The following SLCO1B3 variants were observed in gnomAD, a reference collection of about 807,000 sequenced individuals.
The protein encoded by SLCO1B3 is solute carrier organic anion transporter family member 1B3, also known as liver-specific organic anion transporter 2.
Under a neutral mutation model 71.8 loss-of-function variants are expected in SLCO1B3, and 72 were observed. That is an observed-to-expected ratio of 1.00 (90% CI 0.83 to 1.22). The LOEUF (loss-of-function observed/expected upper bound fraction) is 1.22. Among genes scored for constraint, SLCO1B3 ranks in the 50% most tolerant of loss-of-function variants. SLCO1B3 has a pLI of 0.00. For synonymous variants in SLCO1B3, 298 were observed against 278.4 expected, an observed-to-expected ratio of 1.07 and a Z score of -0.70; for missense variants, 911 against 819.7, an observed-to-expected ratio of 1.11 and a Z score of -1.36.
At chr12:20,899,666 A>G (rs1278589331) in intron 14 of SLCO1B3, among the ~76,000 whole-genome samples, 1 of 152,208 alleles carries the variant, frequency 6.6e-6, no homozygotes, top group African/African-American at 2.4e-5. Context: ...CTCCAGATTC[A>G]GAGACGATAC....
Position 20,815,821 on chromosome 12 carries a change from A to C in SLCO1B3, c.83A>C (p.Lys28Thr), listed in dbSNP as rs563634489. The C allele has an allele frequency of 1.9e-6, 3 of 1,572,056 alleles. No individual in the cohort carries two copies. In the South Asian group the frequency reaches 3.6e-5, roughly 19 times the overall value. The change falls in exon 3 of 16, where the codon AAG becomes ACG. Residue 28 changes from lysine to threonine, a missense_variant and splice_region_variant. Lys to Thr is a moderately conservative substitution (Grantham distance 78, BLOSUM62 -1). Coordinates refer to ENST00000381545, the MANE Select transcript of SLCO1B3 (RefSeq NM_019844.4). ...AAAACAAGACGCTGCAATGGATTCAAGGTAGAATGGGTTTTATATTTTCAA... is the reference window on the plus strand; with the variant it reads ...AAAACAAGACGCTGCAATGGATTCACGGTAGAATGGGTTTTATATTTTCAA... ...KKKTRRCNGF[K>T]MFLAALSFSY...
intron 13 of SLCO1B3, among the ~76,000 whole-genome samples, chr12:20,892,842 G>C (rs554567793): frequency 2.0e-4 from 31 of 152,298 alleles, no homozygotes; most frequent in Non-Finnish European, 4.1e-4. Context: ...TGAATTTAAA[G>C]TGAGCACAGT....
chr12:20,898,128 C>T (rs1294157327), intron 13 of SLCO1B3, among the ~76,000 whole-genome samples: 1 of 152,080 alleles, frequency 6.6e-6, no homozygotes. Context: ...AAATCATTTT[C>T]TTCATAAGCA....
chr12:20,884,016 A>G (rs74067361), intron 13 of SLCO1B3, among the ~76,000 whole-genome samples: 3,107 of 152,316 alleles, frequency 0.02, 108 homozygotes, highest in African/African-American at 0.07. Context: ...TCAATTTGTA[A>G]TGAAATTCTA....
intron 15 of SLCO1B3, among the ~76,000 whole-genome samples, chr12:20,906,436 C>T (rs1244523106): frequency 1.3e-5 from 2 of 152,138 alleles, no homozygotes; most frequent in African/African-American, 4.8e-5. Context: ...TGACATTATG[C>T]ATTTGCCAAA....
At chr12:20,832,807 A>G (rs1288478388) in intron 3 of SLCO1B3, among the ~76,000 whole-genome samples, 8 of 152,136 alleles carry the variant, frequency 5.3e-5, no homozygotes, top group Admixed American at 5.2e-4. Context: ...ACCCCATATA[A>G]AATAGCATTC....
chr12:20,864,786 T>C (rs1211288655), intron 8 of SLCO1B3, among the ~76,000 whole-genome samples: 1 of 152,166 alleles, frequency 6.6e-6, no homozygotes, highest in Non-Finnish European at 1.5e-5. Context: ...AAGCATGAAG[T>C]GAACTTATGA....
rs76881074 is a variant in SLCO1B3 at position 20,849,043 on chromosome 12, A to G, written c.85-5985A>G. ...ACCAATAGAAGGTAAACATAATAGT[A>G]GGGGAAACTGTGTGTGGATAGAGGG... On this transcript the variant is annotated intron_variant, in intron 3 of 15. Coordinates refer to ENST00000381545, the MANE Select transcript of SLCO1B3 (RefSeq NM_019844.4). Among the ~76,000 whole-genome samples, 1,065 of 152,224 alleles carry G rather than the reference A, an allele frequency of 7.0e-3. 9 individuals are homozygous for G. The highest frequency in any genetic ancestry group is 0.024 in the African/African-American group (1,002 of 41,568).
intron 14 of SLCO1B3, among the ~76,000 whole-genome samples, chr12:20,899,904 A>G (rs1866095171): frequency 6.6e-6 from 1 of 152,218 alleles, no homozygotes; most frequent in African/African-American, 2.4e-5. Flanking sequence ...CACACTTGGT[A>G]GCAAACTTCC....
At chr12:20,832,952 T>TTAC in intron 3 of SLCO1B3, among the ~76,000 whole-genome samples, 1 of 151,836 alleles carries the variant, frequency 6.6e-6, no homozygotes, top group South Asian at 2.1e-4. Flanking sequence ...ACAAAAAAAA[T>TTAC]TATCTTAGAG....
At chr12:20,817,960 G>A (rs567258441) in intron 3 of SLCO1B3, among the ~76,000 whole-genome samples, 3 of 152,266 alleles carry the variant, frequency 2.0e-5, no homozygotes, top group South Asian at 2.1e-4. Flanking sequence ...ATGGCTTGGA[G>A]AAACGGTGTA....
At chr12:20,903,684 C>G (rs913625724) in intron 15 of SLCO1B3, among the ~76,000 whole-genome samples, 1 of 152,134 alleles carries the variant, frequency 6.6e-6, no homozygotes, top group Non-Finnish European at 1.5e-5. Flanking sequence ...GAAATCCACC[C>G]CCAAGATCCA....
chr12:20,906,114 C>A (rs1198162305), intron 15 of SLCO1B3, among the ~76,000 whole-genome samples: 1 of 152,122 alleles, frequency 6.6e-6, no homozygotes, highest in African/African-American at 2.4e-5. Flanking sequence ...GGCCCCTTCT[C>A]CAATATAACA....
chr12:20,870,430 T>C (rs960350214), intron 8 of SLCO1B3, among the ~76,000 whole-genome samples: 1 of 152,196 alleles, frequency 6.6e-6, no homozygotes, highest in African/African-American at 2.4e-5. Flanking sequence ...TGAAATTCTT[T>C]CTCTAAGTTT....
intron 8 of SLCO1B3, 86 bp downstream of exon 8, chr12:20,862,940 A>G (rs758291220): frequency 5.0e-5 from 34 of 673,424 alleles, no homozygotes; most frequent in East Asian, 2.2e-4. Flanking sequence ...CAGTCTTTCA[A>G]TAGTTCTTTG....
At chr12:20,858,739 A>G (rs1865193304) in intron 5 of SLCO1B3, 168 bp downstream of exon 5, 1 of 437,250 alleles carries the variant, frequency 2.3e-6, no homozygotes, top group East Asian at 3.6e-5. Flanking sequence ...GTATTGCTTT[A>G]TTCATCATGT....
At chr12:20,897,554 A>G (rs780942256) in intron 13 of SLCO1B3, among the ~76,000 whole-genome samples, 3 of 152,218 alleles carry the variant, frequency 2.0e-5, no homozygotes, top group Non-Finnish European at 2.9e-5. Context: ...ATTTACTTTC[A>G]AGAATATTAA....
At chr12:20,886,481 G>T (rs1208808353) in intron 13 of SLCO1B3, among the ~76,000 whole-genome samples, 1 of 152,070 alleles carries the variant, frequency 6.6e-6, no homozygotes, top group Non-Finnish European at 1.5e-5. Flanking sequence ...AAAGGAAACT[G>T]AGGAGGTCCC....
intron 13 of SLCO1B3, among the ~76,000 whole-genome samples, chr12:20,894,580 G>T (rs1234817658): frequency 6.6e-6 from 1 of 152,104 alleles, no homozygotes; most frequent in Non-Finnish European, 1.5e-5. Context: ...CCTTGTGTGT[G>T]TAGTATACCG....
Sources: allele counts gnomAD v4.1 joint callset (sites outside exome capture counted in the v4.1 genomes callset), GRCh38; gene constraint gnomAD v4.1.1; transcripts MANE v1.5; gene names NCBI Gene and HGNC (gene_info 2026-07-23, HGNC 2026-07-21).